Variants in KCNH8 observed in about 807,000 individuals in gnomAD.
KCNH8 encodes potassium voltage-gated channel subfamily H member 8, also known as voltage-gated delayed rectifier potassium channel KCNH8.
In KCNH8, 70 loss-of-function variants were observed where a neutral mutation model predicts 103.6. That is an observed-to-expected ratio of 0.68 (90% CI 0.56 to 0.82). The LOEUF is 0.82. Ranked by LOEUF, KCNH8 falls within the 40% of genes least tolerant of loss-of-function variation. The probability of loss-of-function intolerance (pLI) is 0.00; values close to 1 mark genes in which losing one functional copy is unlikely to be tolerated. For missense variants in KCNH8, 1,217 were observed against 1,329.9 expected, an observed-to-expected ratio of 0.92 and a Z score of 1.32; for synonymous variants, 498 against 489.4, an observed-to-expected ratio of 1.02 and a Z score of -0.23.
chr3:19,513,966 C>T (rs947955717), intron 13 of KCNH8, among the ~76,000 whole-genome samples: 3 of 151,980 alleles, frequency 2.0e-5, no homozygotes, highest in African/African-American at 7.2e-5. Context: ...AATCACATAA[C>T]AGCTGAATAA....
At chr3:19,153,719 G>T (rs1216899320) in intron 1 of KCNH8, among the ~76,000 whole-genome samples, 2 of 145,116 alleles carry the variant, frequency 1.4e-5, no homozygotes, top group Admixed American at 7.2e-5. Flanking sequence ...TGAAACCTCC[G>T]CCTCCCGGGT....
intron 8 of KCNH8, among the ~76,000 whole-genome samples, chr3:19,444,226 G>A (rs945357291): frequency 9.2e-5 from 14 of 152,156 alleles, no homozygotes; most frequent in African/African-American, 3.1e-4. Flanking sequence ...TTCAGAAACA[G>A]ACTCACACAT....
chr3:19,341,816 G>A (rs2065662746), intron 3 of KCNH8, among the ~76,000 whole-genome samples: 1 of 152,072 alleles, frequency 6.6e-6, no homozygotes, highest in South Asian at 2.1e-4. Flanking sequence ...TGTGTGTGGT[G>A]AAGCAGGCAC....
chr3:19,285,389 T>G (rs1326367029), intron 3 of KCNH8, among the ~76,000 whole-genome samples: 1 of 152,118 alleles, frequency 6.6e-6, no homozygotes, highest in East Asian at 1.9e-4. Flanking sequence ...TGCTACTGTC[T>G]CAGGAACTGA....
chr3:19,365,894 G>A (rs939425907), intron 5 of KCNH8, among the ~76,000 whole-genome samples: 3 of 151,982 alleles, frequency 2.0e-5, no homozygotes, highest in African/African-American at 4.8e-5. Flanking sequence ...AAATAAAGAA[G>A]CAATCAACTG....
intron 5 of KCNH8, among the ~76,000 whole-genome samples, chr3:19,389,006 G>C (rs550595062): frequency 6.6e-6 from 1 of 152,140 alleles, no homozygotes; most frequent in South Asian, 2.1e-4. Flanking sequence ...ACTTAGAACT[G>C]TACTGGGCTC....
intron 1 of KCNH8, among the ~76,000 whole-genome samples, chr3:19,246,375 C>G (rs1398152475): frequency 1.4e-5 from 2 of 143,782 alleles, no homozygotes; most frequent in Admixed American, 7.3e-5. Flanking sequence ...CTCCCAGGTT[C>G]AAGCGATTCT....
At chr3:19,182,446 G>T (rs1036925608) in intron 1 of KCNH8, among the ~76,000 whole-genome samples, 3 of 152,182 alleles carry the variant, frequency 2.0e-5, no homozygotes, top group Non-Finnish European at 1.5e-5. Context: ...CAGGAGAACG[G>T]CATGAACCCG....
rs1161676855 is a variant in KCNH8, at chr3:19,246,391, C to T, written c.77-7263C>T. ...TCCCAGGTTCAAGCGATTCTCCTGCCTCAGCCTCCCGAGTAGCTGGGACTA... is the reference window on the plus strand; with the variant it reads ...TCCCAGGTTCAAGCGATTCTCCTGCTTCAGCCTCCCGAGTAGCTGGGACTA... On this transcript the variant is annotated intron_variant, in intron 1 of 15. Transcript: ENST00000328405. Among the ~76,000 whole-genome samples, 6 of 150,732 alleles carry T rather than the reference C, an allele frequency of 4.0e-5. No individual in the cohort carries two copies. In the East Asian group the frequency reaches 1.2e-3, roughly 29 times the overall value.
intron 3 of KCNH8, among the ~76,000 whole-genome samples, chr3:19,285,620 C>T (rs970535976): frequency 1.3e-5 from 2 of 151,906 alleles, no homozygotes; most frequent in African/African-American, 4.8e-5. Context: ...ACTTCATTTA[C>T]TTCTCATAAC....
chr3:19,458,791 C>G (rs1277208894), intron 11 of KCNH8, among the ~76,000 whole-genome samples: 2 of 151,936 alleles, frequency 1.3e-5, no homozygotes, highest in Non-Finnish European at 2.9e-5. Context: ...TCATTGTACT[C>G]TCTGCTTCTT....
intron 5 of KCNH8, among the ~76,000 whole-genome samples, chr3:19,361,998 T>C (rs1313066404): frequency 6.6e-6 from 1 of 152,128 alleles, no homozygotes; most frequent in Non-Finnish European, 1.5e-5. Flanking sequence ...CATTTGTAAA[T>C]GGGCAAAGAA....
intron 8 of KCNH8, among the ~76,000 whole-genome samples, chr3:19,447,498 C>T (rs2067379916): frequency 6.6e-6 from 1 of 151,974 alleles, no homozygotes; most frequent in African/African-American, 2.4e-5. Context: ...TAAAATCATA[C>T]ACATAATTAA....
At position 19,390,524 on chromosome 3, in the gene KCNH8, C is replaced by T. The variant is rs766937677; in HGVS notation, c.855C>T (p.Gly285=). 3.9e-5 allele frequency: 63 copies of T among 1,612,978 alleles called. No homozygotes were observed. Among genetic ancestry groups the T allele is most frequent in the Non-Finnish European group, 5.1e-5 (60 of 1,179,318 alleles). The change falls in exon 6 of 16, where the codon GGC becomes GGT. Residue 285 remains glycine, a synonymous_variant. Transcript: ENST00000328405. ...NFRTTYVSKS[G]QVIFEARSIC... is the part of the protein sequence containing the mutation. ...GAACAACTTATGTCAGCAAGTCTGG[C>T]CAAGTTATCTTTGAAGCAAGATCAA... is the stretch of plus-strand genomic sequence containing the variant.
chr3:19,312,352 C>G (rs2065218432), intron 3 of KCNH8, among the ~76,000 whole-genome samples: 1 of 151,876 alleles, frequency 6.6e-6, no homozygotes, highest in Non-Finnish European at 1.5e-5. Flanking sequence ...ATAAAACTTT[C>G]CATGCTGTGA....
chr3:19,304,360 C>G (rs2065102342), intron 3 of KCNH8, among the ~76,000 whole-genome samples: 1 of 151,880 alleles, frequency 6.6e-6, no homozygotes, highest in Non-Finnish European at 1.5e-5. Context: ...CTACAGGGAG[C>G]TTCTTATGGA....
chr3:19,175,725 CCTT>C (rs1391564744), intron 1 of KCNH8, among the ~76,000 whole-genome samples: 1 of 152,156 alleles, frequency 6.6e-6, no homozygotes. Flanking sequence ...CAAATCACCT[CCTT>C]TTCACAGCTT....
chr3:19,261,397 C>A (rs1007174284), intron 2 of KCNH8, among the ~76,000 whole-genome samples: 4 of 151,796 alleles, frequency 2.6e-5, no homozygotes, highest in Admixed American at 2.6e-4. Flanking sequence ...TTTATGTCAT[C>A]TTTGGAGAAG....
At chr3:19,314,286 C>T (rs1309535984) in intron 3 of KCNH8, among the ~76,000 whole-genome samples, 9 of 151,778 alleles carry the variant, frequency 5.9e-5, no homozygotes, top group Non-Finnish European at 5.9e-5. Flanking sequence ...TACTACAGTA[C>T]TTGGCCAGGC....
Sources: allele counts gnomAD v4.1 joint callset (sites outside exome capture counted in the v4.1 genomes callset), GRCh38; gene constraint gnomAD v4.1.1; transcripts MANE v1.5; gene names NCBI Gene and HGNC (gene_info 2026-07-23, HGNC 2026-07-21).